Variants in ELMO1 observed in about 807,000 individuals in gnomAD.
ELMO1 encodes the protein engulfment and cell motility 1, also known as engulfment and cell motility protein 1.
In ELMO1, 26 loss-of-function variants were observed where a neutral mutation model predicts 98.9. The ratio of observed to expected loss-of-function variants is 0.26; its 90% confidence interval spans 0.19 to 0.36. The LOEUF (loss-of-function observed/expected upper bound fraction) is 0.36, where lower values mean the gene tolerates loss of function less well. Among genes scored for constraint, ELMO1 ranks in the 10% least tolerant of loss-of-function variants. ELMO1 has a pLI of 1.00. For synonymous variants in ELMO1, 346 were observed against 346.0 expected, an observed-to-expected ratio of 1.00 and a Z score of 0.00; for missense variants, 627 against 935.2, an observed-to-expected ratio of 0.67 and a Z score of 4.30.
At position 37,132,521 on chromosome 7, in the gene ELMO1, C is replaced by T. The variant is rs144627160; in HGVS notation, c.1191+609G>A. 2.3e-3 allele frequency among the ~76,000 whole-genome samples: 357 copies of T among 152,278 alleles called. 2 individuals are homozygous for T. Among genetic ancestry groups the T allele is most frequent in the African/African-American group, 8.1e-3 (336 of 41,534 alleles). On this transcript the variant is annotated intron_variant, in intron 14 of 21. Transcript: ENST00000310758. ...AGATGAGAGCCTTCTCCACCACTGT[C>T]GCCTTAGGCTTCCATTCATTTATTC...
intron 1 of ELMO1, among the ~76,000 whole-genome samples, chr7:37,381,387 A>T (rs1481874954): frequency 6.6e-6 from 1 of 152,200 alleles, no homozygotes; most frequent in East Asian, 1.9e-4. Flanking sequence ...GGTTTACTAA[A>T]GTTCCAGTAC....
intron 4 of ELMO1, among the ~76,000 whole-genome samples, chr7:37,284,185 C>T (rs905702771): frequency 2.0e-5 from 3 of 152,240 alleles, no homozygotes; most frequent in African/African-American, 4.8e-5. Flanking sequence ...TTACTTCCCA[C>T]GTGACCCTGG....
chr7:37,402,502 T>C (rs1459955375), intron 1 of ELMO1, among the ~76,000 whole-genome samples: 1 of 152,154 alleles, frequency 6.6e-6, no homozygotes, highest in Non-Finnish European at 1.5e-5. Context: ...GTTTGGGAAC[T>C]TGATGCCTGG....
intron 5 of ELMO1, among the ~76,000 whole-genome samples, chr7:37,263,346 C>G (rs2717971): frequency 0.32 from 48,355 of 151,716 alleles, 7,801 homozygotes; most frequent in Middle Eastern, 0.43. Context: ...AAATCCTCAG[C>G]ATCCTCATTC....
At chr7:36,891,535 T>A (rs1055924788) in intron 17 of ELMO1, among the ~76,000 whole-genome samples, 4 of 152,232 alleles carry the variant, frequency 2.6e-5, no homozygotes, top group African/African-American at 9.6e-5. Context: ...TACAAATATA[T>A]GCACAGTGTC....
chr7:37,383,904 A>C (rs565103085), intron 1 of ELMO1, among the ~76,000 whole-genome samples: 21 of 152,106 alleles, frequency 1.4e-4, no homozygotes, highest in Non-Finnish European at 2.5e-4. Flanking sequence ...CAAGCTCCGC[A>C]TCCCCGGTTC....
At chr7:37,373,252 A>G (rs1802189755) in intron 1 of ELMO1, among the ~76,000 whole-genome samples, 1 of 152,164 alleles carries the variant, frequency 6.6e-6, no homozygotes, top group Admixed American at 6.5e-5. Flanking sequence ...AGTTTAATCA[A>G]TTTACACTTC....
chr7:37,443,311 C>T (rs1805484623), intron 1 of ELMO1, among the ~76,000 whole-genome samples: 1 of 152,188 alleles, frequency 6.6e-6, no homozygotes, highest in African/African-American at 2.4e-5. Flanking sequence ...ACAGTCAAAA[C>T]TGTAGCCTCA....
At chr7:37,445,497 G>A (rs888970844) in intron 1 of ELMO1, among the ~76,000 whole-genome samples, 2 of 152,158 alleles carry the variant, frequency 1.3e-5, no homozygotes, top group African/African-American at 4.8e-5. Flanking sequence ...TAAGCACAGT[G>A]TGTGATCAGG....
At chr7:36,986,158 TTA>T in intron 16 of ELMO1, 2 of 986,206 alleles carry the variant, frequency 2.0e-6, no homozygotes, top group Non-Finnish European at 2.4e-6. Context: ...GTAGCTTTGC[TTA>T]TGTTTATGGA....
intron 1 of ELMO1, among the ~76,000 whole-genome samples, chr7:37,445,453 C>T (rs1290913974): frequency 6.6e-6 from 1 of 152,180 alleles, no homozygotes; most frequent in African/African-American, 2.4e-5. Context: ...GAATGATCAC[C>T]TTTAACCCTT....
intron 16 of ELMO1, among the ~76,000 whole-genome samples, chr7:36,972,432 C>T (rs776826274): frequency 2.6e-4 from 39 of 152,348 alleles, no homozygotes; most frequent in Admixed American, 5.2e-4. Flanking sequence ...GTATGGCACA[C>T]TGGGTGGTTT....
intron 1 of ELMO1, among the ~76,000 whole-genome samples, chr7:37,411,256 T>C (rs2131497588): frequency 6.6e-6 from 1 of 152,364 alleles, no homozygotes; most frequent in South Asian, 2.1e-4. Flanking sequence ...CAAACAAAGT[T>C]CCCTCTCTTT....
rs200023738 is a variant in ELMO1 at position 36,861,775 on chromosome 7, C to A, written c.1906-39G>T. On this transcript the variant is annotated intron_variant, in intron 20 of 21. Coordinates refer to ENST00000310758, the MANE Select transcript of ELMO1 (RefSeq NM_014800.11). ...GAGAAAACAGCACCTTAAGGAAAATCGGCACATTTCATTTTGCAGTTGCAA... is the reference window on the plus strand; with the variant it reads ...GAGAAAACAGCACCTTAAGGAAAATAGGCACATTTCATTTTGCAGTTGCAA... The A allele has an allele frequency of 1.6e-4, 258 of 1,597,434 alleles. 1 individual carries two copies. Among genetic ancestry groups the A allele is most frequent in the Admixed American group, 5.7e-4 (34 of 59,878 alleles).
At chr7:37,178,830 A>C (rs908472487) in intron 13 of ELMO1, among the ~76,000 whole-genome samples, 3 of 152,188 alleles carry the variant, frequency 2.0e-5, no homozygotes, top group African/African-American at 7.2e-5. Flanking sequence ...TACAAAACAC[A>C]TGACCAGACT....
intron 16 of ELMO1, 150 bp from the exon 17 acceptor site, chr7:36,895,167 C>T: frequency 2.5e-6 from 2 of 801,454 alleles, no homozygotes; most frequent in Non-Finnish European, 3.8e-6. Context: ...AAACAGTCAA[C>T]TTCCATTATG....
chr7:37,354,935 T>A (rs771460497), intron 1 of ELMO1, among the ~76,000 whole-genome samples: 3 of 152,250 alleles, frequency 2.0e-5, no homozygotes, highest in African/African-American at 7.2e-5. Context: ...CCTAGAACAT[T>A]TGATTGCATC....
At chr7:37,219,982 C>T (rs4723618) in intron 10 of ELMO1, among the ~76,000 whole-genome samples, 4,912 of 152,224 alleles carry the variant, frequency 0.032, 195 homozygotes, top group Admixed American at 0.12. Context: ...ACGTCAAATT[C>T]AGACCAGCTG....
chr7:36,898,492 T>G (rs1049055367), intron 16 of ELMO1, among the ~76,000 whole-genome samples: 4 of 152,070 alleles, frequency 2.6e-5, no homozygotes, highest in African/African-American at 9.7e-5. Context: ...AAAGTGAGAG[T>G]CCCACAAGAC....
Sources: gnomAD v4.1 joint callset for allele counts (sites outside exome capture counted in the v4.1 genomes callset) on GRCh38, gnomAD v4.1.1 for gene constraint, MANE v1.5 for transcripts, NCBI Gene and HGNC (gene_info 2026-07-23, HGNC 2026-07-21) for gene names.